Variants in MCPH1 observed in about 807,000 individuals in gnomAD.
MCPH1 encodes the protein microcephalin 1, also known as microcephalin.
Under a neutral mutation model 84.5 loss-of-function variants are expected in MCPH1, and 104 were observed. That is an observed-to-expected ratio of 1.23 (90% CI 1.05 to 1.45). MCPH1 has a LOEUF of 1.45. Ranked by LOEUF, MCPH1 falls within the 40% of genes most tolerant of loss-of-function variation. The pLI is 0.00. For synonymous variants in MCPH1, 514 were observed against 366.8 expected, an observed-to-expected ratio of 1.40 and a Z score of -4.58; for missense variants, 1,498 against 1,005.7, an observed-to-expected ratio of 1.49 and a Z score of -6.62.
chr8:6,642,524 A>G (rs1190733916), intron 13 of MCPH1, among the ~76,000 whole-genome samples: 1 of 152,222 alleles, frequency 6.6e-6, no homozygotes, highest in African/African-American at 2.4e-5. Flanking sequence ...ATTCCATAAA[A>G]AATACCTATG....
At chr8:6,576,611 G>A (rs371271964) in intron 12 of MCPH1, among the ~76,000 whole-genome samples, 9 of 143,752 alleles carry the variant, frequency 6.3e-5, no homozygotes, top group Non-Finnish European at 1.2e-4. Flanking sequence ...CGGGTCAAGC[G>A]ATTCTTCTGC....
At chr8:6,468,000 C>T (rs567306351) in intron 9 of MCPH1, among the ~76,000 whole-genome samples, 1 of 152,264 alleles carries the variant, frequency 6.6e-6, no homozygotes, top group South Asian at 2.1e-4. Context: ...ATATTTTTCC[C>T]CAAGTTCAGC....
At chr8:6,487,709 C>A (rs967803340) in intron 11 of MCPH1, among the ~76,000 whole-genome samples, 1 of 152,232 alleles carries the variant, frequency 6.6e-6, no homozygotes, top group South Asian at 2.1e-4. Flanking sequence ...TGACTAGGAT[C>A]TCAGGCCTGG....
chr8:6,533,371 T>C (rs1441785134), intron 12 of MCPH1, among the ~76,000 whole-genome samples: 1 of 152,214 alleles, frequency 6.6e-6, no homozygotes, highest in East Asian at 1.9e-4. Flanking sequence ...GGAAGAGCCT[T>C]TGGGCTTGGA....
At chr8:6,601,522 G>GACACACAC (rs144757663) in intron 12 of MCPH1, among the ~76,000 whole-genome samples, 3,516 of 144,034 alleles carry the variant, frequency 0.024, 93 homozygotes, top group East Asian at 0.11. Flanking sequence ...CATCATATGG[G>GACACACAC]ACACACACAC....
At chr8:6,559,076 C>T (rs1449378378) in intron 12 of MCPH1, among the ~76,000 whole-genome samples, 1 of 152,110 alleles carries the variant, frequency 6.6e-6, no homozygotes, top group African/African-American at 2.4e-5. Context: ...CCAGCGGATA[C>T]AGTAATGGTT....
intron 12 of MCPH1, among the ~76,000 whole-genome samples, chr8:6,510,829 C>G (rs574401669): frequency 6.6e-6 from 1 of 152,332 alleles, no homozygotes; most frequent in East Asian, 1.9e-4. Context: ...AGTATTAAGG[C>G]AGCCCTAGAA....
At chr8:6,626,893 G>T (rs1796760539) in intron 13 of MCPH1, 3 of 984,618 alleles carry the variant, frequency 3.0e-6, no homozygotes, top group East Asian at 1.1e-4. Flanking sequence ...CCACTCTCAG[G>T]CGCCCTTTTA....
At chr8:6,637,786 G>C (rs116667535) in intron 13 of MCPH1, among the ~76,000 whole-genome samples, 54 of 152,142 alleles carry the variant, frequency 3.5e-4, no homozygotes, top group Non-Finnish European at 6.5e-4. Flanking sequence ...AATGGAAGCA[G>C]AGAAAGCAGT....
chr8:6,451,632 C>T (rs1180910838), intron 8 of MCPH1, among the ~76,000 whole-genome samples: 2 of 152,082 alleles, frequency 1.3e-5, no homozygotes, highest in African/African-American at 2.4e-5. Flanking sequence ...AATACAGTCT[C>T]GTTAGCAGAG....
chr8:6,473,304 A>G (rs903932912), intron 9 of MCPH1, among the ~76,000 whole-genome samples: 1 of 143,186 alleles, frequency 7.0e-6, no homozygotes, highest in Admixed American at 7.0e-5. Context: ...TTGAAATGAC[A>G]GTTTTTCTCT....
At chr8:6,505,674 C>G (rs1230570838) in intron 12 of MCPH1, among the ~76,000 whole-genome samples, 2 of 127,656 alleles carry the variant, frequency 1.6e-5, no homozygotes, top group African/African-American at 5.9e-5. Flanking sequence ...AATATATATA[C>G]TTTACATATA....
chr8:6,408,322 C>T (rs1274648248), intron 1 of MCPH1, among the ~76,000 whole-genome samples: 1 of 152,152 alleles, frequency 6.6e-6, no homozygotes, highest in Admixed American at 6.5e-5. Context: ...AATTCTGCTT[C>T]AGCCTCCTGA....
At chr8:6,566,434 G>A (rs781027618) in intron 12 of MCPH1, among the ~76,000 whole-genome samples, 4 of 151,854 alleles carry the variant, frequency 2.6e-5, no homozygotes, top group Non-Finnish European at 4.4e-5. Context: ...TGCAATAACC[G>A]TGTGTGGCGA....
At chr8:6,572,988 A>G (rs1291050534) in intron 12 of MCPH1, among the ~76,000 whole-genome samples, 1 of 152,244 alleles carries the variant, frequency 6.6e-6, no homozygotes, top group African/African-American at 2.4e-5. Flanking sequence ...AAAGACCAAA[A>G]CTGAGGGAAA....
At chr8:6,560,068 A>G (rs983567017) in intron 12 of MCPH1, among the ~76,000 whole-genome samples, 3 of 152,176 alleles carry the variant, frequency 2.0e-5, no homozygotes, top group African/African-American at 7.2e-5. Context: ...TTGAACTACT[A>G]TTTATTTGCC....
intron 11 of MCPH1, among the ~76,000 whole-genome samples, chr8:6,493,657 G>C (rs1224295748): frequency 6.6e-6 from 1 of 152,116 alleles, no homozygotes. Context: ...CAGTGGGTCT[G>C]GGTCTGCTCA....
chr8:6,424,657 C>A (rs1800792668), intron 3 of MCPH1, among the ~76,000 whole-genome samples: 1 of 152,226 alleles, frequency 6.6e-6, no homozygotes. Flanking sequence ...AATATCACAT[C>A]AATGTGTAAC....
intron 12 of MCPH1, among the ~76,000 whole-genome samples, chr8:6,557,367 G>T (rs577738856): frequency 6.6e-6 from 1 of 152,150 alleles, no homozygotes; most frequent in African/African-American, 2.4e-5. Flanking sequence ...GCAAAATGAG[G>T]TGAGGTGTGG....
Sources: allele counts gnomAD v4.1 joint callset (sites outside exome capture counted in the v4.1 genomes callset), GRCh38; gene constraint gnomAD v4.1.1; transcripts MANE v1.5; gene names NCBI Gene and HGNC (gene_info 2026-07-23, HGNC 2026-07-21).